The following WDPCP variants were observed in gnomAD, a reference collection of about 807,000 sequenced individuals.
The protein encoded by WDPCP is WD repeat-containing and planar cell polarity effector protein fritz homolog.
In WDPCP, 71 loss-of-function variants were observed where a neutral mutation model predicts 93.1. The observed-to-expected ratio is 0.76, with a 90% CI of 0.63 to 0.93. The LOEUF is 0.93. WDPCP is among the 40% of genes least tolerant of loss of function. The pLI is 0.00. For synonymous variants in WDPCP, 315 were observed against 315.0 expected (o/e 1.00, Z 0.00); for missense variants, 844 against 887.4 (o/e 0.95, Z 0.62).
At chr2:63,453,180 T>C (rs1698375887) in intron 6 of WDPCP, among the ~76,000 whole-genome samples, 1 of 152,172 alleles carries the variant, frequency 6.6e-6, no homozygotes, top group South Asian at 2.1e-4. Flanking sequence ...GAGAAAATTT[T>C]TGCAATCTAC....
intron 17 of WDPCP, among the ~76,000 whole-genome samples, chr2:63,146,655 G>A (rs546081948): frequency 1.3e-5 from 2 of 152,274 alleles, no homozygotes; most frequent in South Asian, 2.1e-4. Flanking sequence ...GATTACAGGC[G>A]TAAGCCACTG....
chr2:63,810,435 TAAG>T (rs1454553840), intron 2 of WDPCP, among the ~76,000 whole-genome samples: 10 of 152,254 alleles, frequency 6.6e-5, no homozygotes, highest in Non-Finnish European at 8.8e-5. Flanking sequence ...GTTTACAAAA[TAAG>T]AAGACAGGAA....
At chr2:63,294,724 A>T (rs1156800412) in intron 13 of WDPCP, among the ~76,000 whole-genome samples, 1 of 152,054 alleles carries the variant, frequency 6.6e-6, no homozygotes, top group Non-Finnish European at 1.5e-5. Context: ...AGCTACTCAA[A>T]GCCATACAAA....
intron 3 of WDPCP, among the ~76,000 whole-genome samples, chr2:63,636,807 GAATACAC>G (rs1709925082): frequency 6.6e-6 from 1 of 152,112 alleles, no homozygotes; most frequent in South Asian, 2.1e-4. Context: ...AGGGCTTCAA[GAATACAC>G]AATGAAGAAA....
chr2:63,831,858 A>ATC (rs1474938951), upstream of WDPCP, among the ~76,000 whole-genome samples: 2 of 152,296 alleles, frequency 1.3e-5, no homozygotes, highest in Non-Finnish European at 2.9e-5. Flanking sequence ...ATAAAAGGAG[A>ATC]TCTCTTCCTC....
At chr2:63,833,957 G>A in the WDPCP span, among the ~76,000 whole-genome samples, 4 of 151,826 alleles carry the variant, frequency 2.6e-5, no homozygotes, top group African/African-American at 4.8e-5. Flanking sequence ...ATGAACATGT[G>A]TAAGTGTATG....
At chr2:63,824,577 G>T (rs890457375) in intron 1 of WDPCP, among the ~76,000 whole-genome samples, 5 of 148,086 alleles carry the variant, frequency 3.4e-5, no homozygotes, top group African/African-American at 7.5e-5. Flanking sequence ...GAAAAGGAAG[G>T]GTTGTTCAAT....
intron 2 of WDPCP, among the ~76,000 whole-genome samples, chr2:63,755,189 T>C (rs1669944182): frequency 6.6e-6 from 1 of 152,210 alleles, no homozygotes; most frequent in African/African-American, 2.4e-5. Context: ...ATTTCTGCAC[T>C]ATCTTGTTCG....
At chr2:63,376,509 T>C (rs1691864999) in intron 12 of WDPCP, among the ~76,000 whole-genome samples, 1 of 151,580 alleles carries the variant, frequency 6.6e-6, no homozygotes, top group Non-Finnish European at 1.5e-5. Context: ...AATCACTGCA[T>C]AAAATCTCAG....
intron 17 of WDPCP, among the ~76,000 whole-genome samples, chr2:63,148,013 T>C (rs1048796207): frequency 6.7e-6 from 1 of 150,110 alleles, no homozygotes; most frequent in Non-Finnish European, 1.5e-5. Flanking sequence ...AAGGAGATAA[T>C]TAAACCAGAG....
intron 9 of WDPCP, among the ~76,000 whole-genome samples, chr2:63,432,165 G>A (rs907219695): frequency 2.0e-5 from 3 of 152,084 alleles, no homozygotes; most frequent in Admixed American, 6.6e-5. Context: ...TAGCCAAATC[G>A]TTCCACAGAG....
intron 2 of WDPCP, among the ~76,000 whole-genome samples, chr2:63,789,761 T>C (rs998459188): frequency 4.6e-5 from 7 of 152,208 alleles, no homozygotes; most frequent in African/African-American, 1.7e-4. Context: ...TTCATGTGCT[T>C]GGAAATTTAT....
At chr2:63,165,778 C>T (rs748978375) in intron 15 of WDPCP, among the ~76,000 whole-genome samples, 3 of 151,524 alleles carry the variant, frequency 2.0e-5, no homozygotes, top group Non-Finnish European at 4.4e-5. Context: ...AGAAAAAACC[C>T]TCCCTTGTTT....
At chr2:63,728,501 T>G (rs1437066211) in intron 2 of WDPCP, among the ~76,000 whole-genome samples, 2 of 152,202 alleles carry the variant, frequency 1.3e-5, no homozygotes, top group African/African-American at 4.8e-5. Flanking sequence ...ACCTCACCCT[T>G]GTCCTGTGAA....
chr2:63,699,578 A>G (rs971921097), intron 2 of WDPCP, among the ~76,000 whole-genome samples: 2 of 152,094 alleles, frequency 1.3e-5, no homozygotes, highest in Admixed American at 6.6e-5. Context: ...TGACAGGGAG[A>G]TATGTTAAGG....
chr2:63,716,254 C>T (rs571791289), intron 2 of WDPCP, among the ~76,000 whole-genome samples: 2 of 152,262 alleles, frequency 1.3e-5, no homozygotes, highest in South Asian at 2.1e-4. Flanking sequence ...CCTCTAGTAA[C>T]TTAATAGACC....
At chr2:63,457,693 A>G (rs979176573) in intron 6 of WDPCP, among the ~76,000 whole-genome samples, 80 of 152,222 alleles carry the variant, frequency 5.3e-4, no homozygotes, top group Non-Finnish European at 8.1e-4. Context: ...AACAGAATGA[A>G]AGACAAAAAT....
chr2:63,270,895 T>C (rs934256212), intron 13 of WDPCP, among the ~76,000 whole-genome samples: 2 of 152,004 alleles, frequency 1.3e-5, no homozygotes, highest in Non-Finnish European at 2.9e-5. Context: ...CCCCCAAGAC[T>C]CAAGCAGCTG....
intron 9 of WDPCP, among the ~76,000 whole-genome samples, chr2:63,424,242 G>A (rs937539655): frequency 9.3e-5 from 14 of 150,452 alleles, no homozygotes; most frequent in South Asian, 2.1e-4. Context: ...GGAGGCGCGC[G>A]GTGTGTGTTG....
Sources: allele counts gnomAD v4.1 joint callset (sites outside exome capture counted in the v4.1 genomes callset), GRCh38; gene constraint gnomAD v4.1.1; transcripts MANE v1.5; gene names NCBI Gene and HGNC (gene_info 2026-07-23, HGNC 2026-07-21).